STK26: variants seen among roughly 807,000 people sequenced by gnomAD.
STK26 encodes serine/threonine kinase 26.
In STK26, 14 loss-of-function variants were observed where a neutral mutation model predicts 34.7. That is an observed-to-expected ratio of 0.40 (90% CI 0.27 to 0.63). STK26 has a LOEUF of 0.63. Ranked by LOEUF, STK26 falls within the 30% of genes least tolerant of loss-of-function variation. The probability of loss-of-function intolerance (pLI) is 0.38; values close to 1 mark genes in which losing one functional copy is unlikely to be tolerated. For missense variants in STK26, 226 were observed against 309.1 expected (o/e 0.73, Z 2.02); for synonymous variants, 100 against 109.8 (o/e 0.91, Z 0.56).
At chrX:132,069,432 TA>T in intron 6 of STK26, 45 bp from the exon 7 acceptor site, 1 of 158,511 alleles carries the variant, frequency 6.3e-6, no homozygotes, top group Non-Finnish European at 1.1e-5. Flanking sequence ...TATATATATA[TA>T]TATATATATA....
chrX:132,025,020 T>G (rs1480319101), intron 2 of STK26, among the ~76,000 whole-genome samples: 1 of 111,009 alleles, frequency 9.0e-6, no homozygotes, highest in Non-Finnish European at 1.9e-5. Context: ...GCCTTAAACT[T>G]TCTTCCTCTC....
At chrX:132,056,124 A>G (rs1409879199) in intron 3 of STK26, among the ~76,000 whole-genome samples, 2 of 112,071 alleles carry the variant, frequency 1.8e-5, no homozygotes, top group Non-Finnish European at 3.8e-5. Flanking sequence ...ATTATTTTAA[A>G]TTATTTGTCA....
chrX:132,023,684 C>G (rs1935035110), intron 2 of STK26, 25 bp downstream of exon 2: 2 of 1,172,517 alleles, frequency 1.7e-6, no homozygotes, highest in Non-Finnish European at 2.3e-6. Context: ...GCCGCCCCCG[C>G]CGCCCACGTG....
intron 2 of STK26, among the ~76,000 whole-genome samples, chrX:132,040,725 C>T (rs1261164983): frequency 3.6e-5 from 4 of 111,383 alleles, no homozygotes; most frequent in African/African-American, 1.3e-4. Flanking sequence ...CATTTGTTTC[C>T]TCCTTGTACT....
At chrX:132,027,780 C>G (rs1231713480) in intron 2 of STK26, among the ~76,000 whole-genome samples, 1 of 111,387 alleles carries the variant, frequency 9.0e-6, no homozygotes, top group African/African-American at 3.3e-5. Context: ...AAAGAGAAAT[C>G]TCAAAATTGG....
chrX:132,073,109 C>T lies in STK26; in HGVS notation c.1226+16C>T, dbSNP rs1206865300. ...AATTTCAAAAGTAAGTTGGAAATGT[C>T]ATTTTAAAAATTATTTTGCATTTTC... On this transcript the variant is annotated intron_variant, in intron 11 of 11. Coordinates refer to ENST00000394334, the MANE Select transcript of STK26 (RefSeq NM_016542.4). 2.6e-6 allele frequency: 3 copies of T among 1,170,367 alleles called. No homozygotes were observed. Among genetic ancestry groups the T allele is most frequent in the African/African-American group, 3.6e-5 (2 of 55,591 alleles).
rs765013688 is a variant in STK26 at position 132,040,165 on chromosome X, A to G, written c.43-14466A>G. Among the ~76,000 whole-genome samples the G allele has an allele frequency of 6.1e-4, 69 of 112,697 alleles. 1 individual carries two copies. Among genetic ancestry groups the G allele is most frequent in the African/African-American group, 2.1e-3 (65 of 31,100 alleles). On this transcript the variant is annotated intron_variant, in intron 2 of 11. Coordinates refer to ENST00000394334, the MANE Select transcript of STK26 (RefSeq NM_016542.4). ...CAGAGACTCAGAGACTGTAAAGTGT[A>G]CCTGACCCACAAAGCCTGAAATATT...
intron 2 of STK26, among the ~76,000 whole-genome samples, chrX:132,029,763 C>T (rs931563014): frequency 8.1e-5 from 9 of 111,368 alleles, no homozygotes; most frequent in Non-Finnish European, 1.5e-4. Context: ...TTCATGAACT[C>T]TCTCTGAATG....
intron 2 of STK26, among the ~76,000 whole-genome samples, chrX:132,035,546 C>A (rs919438147): frequency 9.2e-6 from 1 of 109,165 alleles, no homozygotes; most frequent in Non-Finnish European, 1.9e-5. Context: ...ACAAATAGAA[C>A]CTTTCTGTGG....
In STK26 at chrX:132,069,458, TC is replaced by T; in HGVS notation, c.598-19del. ...ATATATATATATATATATATTATTTTCTTTTTCCTTTTACGTTAGGCTGACA... is the reference window on the plus strand; with the variant it reads ...ATATATATATATATATATATTATTTTTTTTTCCTTTTACGTTAGGCTGACA... On this transcript the variant is annotated intron_variant, in intron 6 of 11. Coordinates refer to ENST00000394334, the MANE Select transcript of STK26 (RefSeq NM_016542.4). 1 of 632,707 alleles carries T rather than the reference TC, an allele frequency of 1.6e-6. No individual in the cohort carries two copies. Among genetic ancestry groups the T allele is most frequent in the African/African-American group, 2.5e-5 (1 of 39,750 alleles). 52.1% of individuals were successfully genotyped at this position (632,707 alleles called of 1,213,427 possible). A position where few individuals can be genotyped will look rare whatever the true frequency, so the allele number is the denominator to read the frequency against.
rs564543493 is a variant in STK26 at position 132,056,041 on chromosome X, GTTCA to G, written c.273+1183_273+1186del. 1.8e-4 allele frequency among the ~76,000 whole-genome samples: 20 copies of G among 111,961 alleles called. No homozygotes were observed. The South Asian group carries it at 6.9e-3, about 39-fold the overall frequency. ...ATCTACTTGTTAAATTTATCATTTT[GTTCA>G]TTTATTGTTTTCCTGATTTCACTTG... On this transcript the variant is annotated intron_variant, in intron 3 of 11. Transcript: ENST00000394334.
chrX:132,049,305 A>T (rs769092955), intron 2 of STK26, among the ~76,000 whole-genome samples: 107 of 111,919 alleles, frequency 9.6e-4, no homozygotes, highest in South Asian at 1.5e-3. Flanking sequence ...CCTTTTTTTT[A>T]AAAAAATGAT....
At chrX:132,029,994 A>C (rs1925770805) in intron 2 of STK26, among the ~76,000 whole-genome samples, 1 of 111,932 alleles carries the variant, frequency 8.9e-6, no homozygotes, top group Non-Finnish European at 1.9e-5. Context: ...AATCTTGGCT[A>C]ATCACTATAC....
chrX:132,053,451 T>A (rs182422390), intron 2 of STK26, among the ~76,000 whole-genome samples: 15 of 112,025 alleles, frequency 1.3e-4, no homozygotes, highest in African/African-American at 4.9e-4. Flanking sequence ...CATTTGGTGA[T>A]CATGGTGCAA....
intron 3 of STK26, among the ~76,000 whole-genome samples, chrX:132,059,335 T>C (rs1201935965): frequency 8.9e-6 from 1 of 112,254 alleles, no homozygotes; most frequent in Non-Finnish European, 1.9e-5. Context: ...GAGGAAAAGT[T>C]TATTACATTT....
intron 2 of STK26, among the ~76,000 whole-genome samples, chrX:132,024,746 A>G (rs1249776874): frequency 9.6e-6 from 1 of 103,708 alleles, no homozygotes; most frequent in Admixed American, 1.0e-4. Flanking sequence ...TTATTGATAC[A>G]TGGAGTTTTT....
intron 2 of STK26, among the ~76,000 whole-genome samples, chrX:132,054,002 A>G (rs973416072): frequency 8.9e-6 from 1 of 112,180 alleles, no homozygotes; most frequent in Admixed American, 9.5e-5. Context: ...GAAAAGTTCA[A>G]TGTGTTACCA....
At chrX:132,062,536 G>A (rs1271042419) in intron 3 of STK26, among the ~76,000 whole-genome samples, 1 of 111,646 alleles carries the variant, frequency 9.0e-6, no homozygotes, top group African/African-American at 3.3e-5. Context: ...GAGGTAAAAT[G>A]AACAATATTC....
intron 11 of STK26, 101 bp from the exon 12 acceptor site, chrX:132,074,034 C>A (rs1927513774): frequency 3.0e-6 from 2 of 661,862 alleles, no homozygotes; most frequent in African/African-American, 4.5e-5. Flanking sequence ...AACAATGTAT[C>A]CCTTTTGTGG....
Sources: gnomAD v4.1 joint callset for allele counts (sites outside exome capture counted in the v4.1 genomes callset) on GRCh38, gnomAD v4.1.1 for gene constraint, MANE v1.5 for transcripts, NCBI Gene and HGNC (gene_info 2026-07-23, HGNC 2026-07-21) for gene names.